The following FAM78B variants were observed in gnomAD, a reference collection of about 807,000 sequenced individuals.
FAM78B encodes protein FAM78B.
Under a neutral mutation model 20.0 loss-of-function variants are expected in FAM78B, and 10 were observed. The observed-to-expected ratio is 0.50, with a 90% CI of 0.31 to 0.85. The LOEUF is 0.85. FAM78B is among the 40% of genes least tolerant of loss of function. The probability of loss-of-function intolerance (pLI) is 0.05; values close to 1 mark genes in which losing one functional copy is unlikely to be tolerated. For missense variants in FAM78B, 283 were observed against 345.0 expected (o/e 0.82, Z 1.42); for synonymous variants, 135 against 132.8 (o/e 1.02, Z -0.12).
intron 1 of FAM78B, among the ~76,000 whole-genome samples, chr1:166,100,462 A>T (rs1653465091): frequency 6.6e-6 from 1 of 152,192 alleles, no homozygotes; most frequent in African/African-American, 2.4e-5. Flanking sequence ...GGGGTGACAG[A>T]TGGCACCTGG....
intron 1 of FAM78B, among the ~76,000 whole-genome samples, chr1:166,160,548 G>A (rs1348643594): frequency 1.3e-5 from 2 of 152,200 alleles, no homozygotes; most frequent in Non-Finnish European, 2.9e-5. Flanking sequence ...GACAAATAAC[G>A]CAAAAGCACA....
At chr1:166,094,152 C>T (rs1257737194) in intron 1 of FAM78B, among the ~76,000 whole-genome samples, 1 of 151,878 alleles carries the variant, frequency 6.6e-6, no homozygotes, top group Non-Finnish European at 1.5e-5. Context: ...GAATGCAACC[C>T]CGGAGCAGAA....
At chr1:166,099,540 T>C (rs147555887) in intron 1 of FAM78B, among the ~76,000 whole-genome samples, 375 of 152,246 alleles carry the variant, frequency 2.5e-3, no homozygotes, top group Non-Finnish European at 4.2e-3. Context: ...ACCTAGCACA[T>C]AAAGACTCAT....
At chr1:166,159,437 A>C (rs2101805327) in intron 1 of FAM78B, among the ~76,000 whole-genome samples, 1 of 152,340 alleles carries the variant, frequency 6.6e-6, no homozygotes, top group South Asian at 2.1e-4. Flanking sequence ...TGAGGGGGTC[A>C]GATGAGATCA....
Position 166,109,894 on chromosome 1 carries a change from A to ATATG in FAM78B, c.264-39132_264-39131insCATA, listed in dbSNP as rs1397051064. 2.2e-3 allele frequency among the ~76,000 whole-genome samples: 126 copies of ATATG among 57,726 alleles called. 11 individuals carry two copies. Among genetic ancestry groups the ATATG allele is most frequent in the African/African-American group, 8.5e-3 (102 of 11,956 alleles). The allele number at this position is 57,726 out of a possible 152,430, so 37.9% of individuals were successfully genotyped here. A position where few individuals can be genotyped will look rare whatever the true frequency, so the allele number is the denominator to read the frequency against. On this transcript the variant is annotated intron_variant, in intron 1 of 1. Coordinates refer to ENST00000354422, the MANE Select transcript of FAM78B (RefSeq NM_001017961.5). The stretch of plus-strand genomic sequence containing the variant: ...TATATATATATATGTATATATGTAT[A>ATATG]TATATATATATATATATATATATAT...
rs1571221178 is a variant in FAM78B, at chr1:166,166,320, G to A, written c.-72C>T. ...CCCGCGCGGGCAGCCGGGGGCGCCCGTCACGCCGGCATGGCGACGCGCCGC... is the reference window on the plus strand; with the variant it reads ...CCCGCGCGGGCAGCCGGGGGCGCCCATCACGCCGGCATGGCGACGCGCCGC... On this transcript the variant is annotated 5_prime_UTR_variant, in exon 1 of 2. In the 5' UTR this introduces an upstream ATG that the reference lacks. Coordinates refer to ENST00000354422, the MANE Select transcript of FAM78B (RefSeq NM_001017961.5). 5 of 1,107,224 alleles carry A rather than the reference G, an allele frequency of 4.5e-6. No individual in the cohort carries two copies. The highest frequency in any genetic ancestry group is 5.5e-6 in the Non-Finnish European group (5 of 908,044). 68.6% of individuals were successfully genotyped at this position (1,107,224 alleles called of 1,614,324 possible). A position where few individuals can be genotyped will look rare whatever the true frequency, so the allele number is the denominator to read the frequency against.
intron 1 of FAM78B, among the ~76,000 whole-genome samples, chr1:166,139,531 A>G (rs1655198820): frequency 6.6e-6 from 1 of 152,168 alleles, no homozygotes; most frequent in South Asian, 2.1e-4. Context: ...AGAGGGGCAG[A>G]GTCGAGAGGG....
chr1:166,138,503 C>A (rs1655158959), intron 1 of FAM78B, among the ~76,000 whole-genome samples: 1 of 152,202 alleles, frequency 6.6e-6, no homozygotes, highest in Non-Finnish European at 1.5e-5. Context: ...GTGACAGTTA[C>A]CATTGAGAGG....
intron 1 of FAM78B, among the ~76,000 whole-genome samples, chr1:166,108,100 CCCTCACCA>C (rs1240883886): frequency 1.3e-5 from 2 of 152,094 alleles, no homozygotes; most frequent in Non-Finnish European, 2.9e-5. Context: ...AGGATGCCCA[CCCTCACCA>C]CTTCTCTTCA....
intron 1 of FAM78B, among the ~76,000 whole-genome samples, chr1:166,155,275 T>C (rs533821924): frequency 3.5e-4 from 54 of 152,348 alleles, no homozygotes; most frequent in Non-Finnish European, 5.9e-4. Flanking sequence ...CAGTACAACA[T>C]CATAAGGAGT....
At chr1:166,107,092 C>A (rs900107363) in intron 1 of FAM78B, among the ~76,000 whole-genome samples, 1 of 151,946 alleles carries the variant, frequency 6.6e-6, no homozygotes, top group Non-Finnish European at 1.5e-5. Flanking sequence ...CCTCAAGGAA[C>A]TACAGAAACA....
chr1:166,091,472 A>G (rs1653070430), intron 1 of FAM78B, among the ~76,000 whole-genome samples: 1 of 152,204 alleles, frequency 6.6e-6, no homozygotes, highest in South Asian at 2.1e-4. Flanking sequence ...GCTGCCATCC[A>G]AGACGTGATT....
intron 1 of FAM78B, among the ~76,000 whole-genome samples, chr1:166,120,663 G>C (rs1252891868): frequency 1.3e-5 from 2 of 152,226 alleles, no homozygotes; most frequent in Non-Finnish European, 1.5e-5. Flanking sequence ...TGCAAGGGAG[G>C]CTGAATATAG....
At chr1:166,104,072 C>T (rs1324181831) in intron 1 of FAM78B, among the ~76,000 whole-genome samples, 1 of 152,152 alleles carries the variant, frequency 6.6e-6, no homozygotes, top group East Asian at 1.9e-4. Context: ...TAAACATAAT[C>T]CAGCATATAA....
downstream of FAM78B, among the ~76,000 whole-genome samples, chr1:166,065,282 A>C (rs886922476): frequency 6.6e-6 from 1 of 152,218 alleles, no homozygotes; most frequent in African/African-American, 2.4e-5. Context: ...CCACCAATTT[A>C]GTGTGACCTT....
intron 1 of FAM78B, among the ~76,000 whole-genome samples, chr1:166,163,478 C>T (rs958322514): frequency 1.3e-5 from 2 of 152,242 alleles, no homozygotes; most frequent in Admixed American, 6.5e-5. Flanking sequence ...TGGATTTCCT[C>T]TGGCACAATC....
At chr1:166,117,111 C>T (rs973451776) in intron 1 of FAM78B, among the ~76,000 whole-genome samples, 4 of 152,174 alleles carry the variant, frequency 2.6e-5, no homozygotes, top group Non-Finnish European at 5.9e-5. Flanking sequence ...AATTTTCAGA[C>T]CCCCCAGAAC....
At chr1:166,162,106 A>G (rs943494340) in intron 1 of FAM78B, among the ~76,000 whole-genome samples, 1 of 152,252 alleles carries the variant, frequency 6.6e-6, no homozygotes, top group Admixed American at 6.5e-5. Context: ...CCCGTCTACA[A>G]GGAATGCTGC....
At chr1:166,150,207 G>A (rs1246379272) in intron 1 of FAM78B, among the ~76,000 whole-genome samples, 1 of 151,734 alleles carries the variant, frequency 6.6e-6, no homozygotes, top group Non-Finnish European at 1.5e-5. Context: ...GTGGGACAAC[G>A]TGCTGGACTC....
Sources: gnomAD v4.1 joint callset for allele counts (sites outside exome capture counted in the v4.1 genomes callset) on GRCh38, gnomAD v4.1.1 for gene constraint, MANE v1.5 for transcripts, NCBI Gene and HGNC (gene_info 2026-07-23, HGNC 2026-07-21) for gene names.